The following EPHA3 variants were observed in gnomAD, a reference collection of about 807,000 sequenced individuals.
EPHA3 encodes the protein EPH receptor A3.
Under a neutral mutation model 107.1 loss-of-function variants are expected in EPHA3, and 42 were observed. The observed-to-expected ratio is 0.39, with a 90% CI of 0.31 to 0.51. The LOEUF is 0.51. Among genes scored for constraint, EPHA3 ranks in the 20% least tolerant of loss-of-function variants. EPHA3 has a pLI of 0.78. For missense variants in EPHA3, 1,183 were observed against 1,211.2 expected (o/e 0.98, Z 0.35); for synonymous variants, 461 against 424.8 (o/e 1.09, Z -1.05).
chr3:89,235,945 G>T (rs1227689919), intron 3 of EPHA3, among the ~76,000 whole-genome samples: 1 of 151,846 alleles, frequency 6.6e-6, no homozygotes, highest in African/African-American at 2.4e-5. Flanking sequence ...CCCCCACAAA[G>T]CAAACATATA....
chr3:89,114,306 A>G (rs1049566972), intron 1 of EPHA3, among the ~76,000 whole-genome samples: 1 of 152,220 alleles, frequency 6.6e-6, no homozygotes, highest in Non-Finnish European at 1.5e-5. Flanking sequence ...ATGTGGCAAC[A>G]GGGAGATGAG....
chr3:89,327,806 T>C (rs1707199721), intron 3 of EPHA3, among the ~76,000 whole-genome samples: 1 of 151,940 alleles, frequency 6.6e-6, no homozygotes, highest in African/African-American at 2.4e-5. Flanking sequence ...TAGTAGGGCG[T>C]TATATCTGTA....
At chr3:89,257,537 T>G (rs771527765) in intron 3 of EPHA3, among the ~76,000 whole-genome samples, 1 of 152,026 alleles carries the variant, frequency 6.6e-6, no homozygotes, top group Non-Finnish European at 1.5e-5. Flanking sequence ...TTGAGTATCT[T>G]ATTATTTGAA....
intron 2 of EPHA3, among the ~76,000 whole-genome samples, chr3:89,167,921 C>CAT (rs1457801195): frequency 6.6e-6 from 1 of 152,022 alleles, no homozygotes; most frequent in Admixed American, 6.6e-5. Context: ...ATTATATACA[C>CAT]ATATATACAC....
intron 13 of EPHA3, among the ~76,000 whole-genome samples, chr3:89,442,598 C>T (rs1709806578): frequency 6.6e-6 from 1 of 152,226 alleles, no homozygotes; most frequent in South Asian, 2.1e-4. Flanking sequence ...AGAATGATCT[C>T]GGGTGAAAGG....
At chr3:89,478,631 C>T (rs568381490) in intron 16 of EPHA3, among the ~76,000 whole-genome samples, 3 of 152,124 alleles carry the variant, frequency 2.0e-5, no homozygotes, top group Admixed American at 2.0e-4. Flanking sequence ...TCTAGAGCCC[C>T]CAGAGAGGAT....
intron 15 of EPHA3, among the ~76,000 whole-genome samples, chr3:89,460,801 C>T (rs1377698156): frequency 6.3e-5 from 9 of 141,908 alleles, no homozygotes; most frequent in African/African-American, 2.4e-4. Context: ...ATGCCGAATA[C>T]CCAAGTGATC....
intron 3 of EPHA3, among the ~76,000 whole-genome samples, chr3:89,214,053 T>C (rs547545262): frequency 6.6e-6 from 1 of 152,150 alleles, no homozygotes; most frequent in Admixed American, 6.6e-5. Flanking sequence ...CTCTGATTTA[T>C]ACAAGATTCT....
intron 13 of EPHA3, 41 bp downstream of exon 13, chr3:89,431,400 C>T (rs1182078233): frequency 1.3e-6 from 2 of 1,527,962 alleles, no homozygotes; most frequent in South Asian, 1.2e-5. Context: ...CATTGTTTTC[C>T]ATCTTGTATC....
intron 5 of EPHA3, among the ~76,000 whole-genome samples, chr3:89,390,104 G>A (rs1241494166): frequency 6.6e-6 from 1 of 152,058 alleles, no homozygotes; most frequent in East Asian, 1.9e-4. Flanking sequence ...TGATTCTCCT[G>A]CCTCAGCCTC....
intron 5 of EPHA3, among the ~76,000 whole-genome samples, chr3:89,352,438 A>G (rs1375232795): frequency 6.6e-6 from 1 of 151,392 alleles, no homozygotes; most frequent in African/African-American, 2.4e-5. Flanking sequence ...CTCACTTACT[A>G]TAAAAAACGT....
At chr3:89,215,851 G>A (rs1312642855) in intron 3 of EPHA3, among the ~76,000 whole-genome samples, 1 of 151,648 alleles carries the variant, frequency 6.6e-6, no homozygotes, top group South Asian at 2.1e-4. Flanking sequence ...CTTTAAATAG[G>A]CATTTCACTC....
At chr3:89,353,988 C>G (rs904597348) in intron 5 of EPHA3, among the ~76,000 whole-genome samples, 1 of 151,030 alleles carries the variant, frequency 6.6e-6, no homozygotes, top group African/African-American at 2.4e-5. Context: ...ATATTAATAA[C>G]CAGTTAGAGG....
intron 3 of EPHA3, among the ~76,000 whole-genome samples, chr3:89,236,882 G>A (rs2107235980): frequency 6.6e-6 from 1 of 152,094 alleles, no homozygotes; most frequent in East Asian, 1.9e-4. Context: ...AGGGAGACAG[G>A]GATGAAGTGA....
chr3:89,237,638 T>C (rs1704798455), intron 3 of EPHA3, among the ~76,000 whole-genome samples: 1 of 152,050 alleles, frequency 6.6e-6, no homozygotes, highest in African/African-American at 2.4e-5. Context: ...TTTTGTTAAG[T>C]CGTGGCCAAT....
At chr3:89,396,019 G>C in intron 6 of EPHA3, 58 bp downstream of exon 6, 1 of 1,593,286 alleles carries the variant, frequency 6.3e-7, no homozygotes, top group Non-Finnish European at 8.6e-7. Flanking sequence ...TTCCTCATGA[G>C]CTGTGCTCTT....
chr3:89,284,600 T>C lies in EPHA3; in HGVS notation c.815-56316T>C, dbSNP rs374852701. 7.9e-5 allele frequency among the ~76,000 whole-genome samples: 12 copies of C among 152,354 alleles called. No individual in the cohort carries two copies. In the East Asian group the frequency reaches 1.9e-3, roughly 24 times the overall value. ...ATTATTTAGAATAAAATCAAAACGA[T>C]ATTTTAAAACAAAATAAAATTATAT... On this transcript the variant is annotated intron_variant, in intron 3 of 16. Coordinates refer to ENST00000336596, the MANE Select transcript of EPHA3 (RefSeq NM_005233.6).
At chr3:89,132,710 A>G (rs1704231950) in intron 2 of EPHA3, among the ~76,000 whole-genome samples, 1 of 152,022 alleles carries the variant, frequency 6.6e-6, no homozygotes. Context: ...CCCATCTCCA[A>G]TCAATCAATC....
chr3:89,296,003 T>C (rs944492457), intron 3 of EPHA3, among the ~76,000 whole-genome samples: 2 of 152,222 alleles, frequency 1.3e-5, no homozygotes, highest in Non-Finnish European at 2.9e-5. Flanking sequence ...CACTGAAGTT[T>C]TATCATAAGA....
Sources: allele counts gnomAD v4.1 joint callset (sites outside exome capture counted in the v4.1 genomes callset), GRCh38; gene constraint gnomAD v4.1.1; transcripts MANE v1.5; gene names NCBI Gene and HGNC (gene_info 2026-07-23, HGNC 2026-07-21).